Variants in VAPA observed in about 807,000 individuals in gnomAD.
The protein encoded by VAPA is VAMP associated protein A.
In VAPA, 6 loss-of-function variants were observed where a neutral mutation model predicts 25.6. The ratio of observed to expected loss-of-function variants is 0.23; its 90% CI spans 0.13 to 0.46. The LOEUF (loss-of-function observed/expected upper bound fraction) is 0.46, where lower values mean the gene tolerates loss of function less well. Among genes scored for constraint, VAPA ranks in the 20% least tolerant of loss-of-function variants. The pLI, the probability that VAPA is intolerant of heterozygous loss-of-function variation, is 0.99. For synonymous variants in VAPA, 112 were observed against 106.2 expected (o/e 1.05, Z -0.34); for missense variants, 244 against 302.1 (o/e 0.81, Z 1.43).
At chr18:9,935,448 G>T (rs1188971386) in intron 2 of VAPA, among the ~76,000 whole-genome samples, 1 of 152,088 alleles carries the variant, frequency 6.6e-6, no homozygotes, top group Admixed American at 6.6e-5. Flanking sequence ...GTGGCATGTG[G>T]CTATAGTCTT....
At chr18:9,947,530 A>G (rs2069438677) in intron 4 of VAPA, 1 of 152,228 alleles carries the variant, frequency 6.6e-6, no homozygotes, top group African/African-American at 2.4e-5. Flanking sequence ...AATATAGTGG[A>G]AACTGGACAA....
chr18:9,936,466 T>G (rs1336783682), intron 3 of VAPA: 1 of 263,740 alleles, frequency 3.8e-6, no homozygotes, highest in Non-Finnish European at 7.1e-6. Context: ...ATCCCAGCCC[T>G]TTGGGAGGCC....
chr18:9,950,795 G>A, intron 5 of VAPA: 1 of 467,436 alleles, frequency 2.1e-6, no homozygotes, highest in Non-Finnish European at 3.8e-6. Flanking sequence ...TTTGTGATCT[G>A]GCCTGCAGTA....
chr18:9,933,971 T>C (rs888532413), intron 2 of VAPA, among the ~76,000 whole-genome samples: 1 of 152,246 alleles, frequency 6.6e-6, no homozygotes, highest in African/African-American at 2.4e-5. Context: ...TTCTGTGTAT[T>C]AATATTTCTT....
chr18:9,944,914 G>T, intron 4 of VAPA: 1 of 1,613,182 alleles, frequency 6.2e-7, no homozygotes, highest in Non-Finnish European at 8.5e-7. Flanking sequence ...TGTTTCCCAT[G>T]CCATCTCAGG....
intron 2 of VAPA, among the ~76,000 whole-genome samples, chr18:9,932,673 G>A (rs1417212349): frequency 1.3e-5 from 2 of 152,128 alleles, no homozygotes; most frequent in Admixed American, 6.5e-5. Context: ...TTTTACTTAG[G>A]GGAGAACCTC....
chr18:9,951,521 G>A (rs2069490172), intron 5 of VAPA, among the ~76,000 whole-genome samples: 1 of 152,160 alleles, frequency 6.6e-6, no homozygotes, highest in Non-Finnish European at 1.5e-5. Context: ...ACATGCATGT[G>A]GTAGTCATTC....
Position 9,959,890 on chromosome 18 carries a change from ATG to A in VAPA, c.*5681_*5682del, listed in dbSNP as rs1221228753. On this transcript the variant is annotated 3_prime_UTR_variant, in exon 6 of 6. Coordinates refer to ENST00000400000, the MANE Select transcript of VAPA (RefSeq NM_194434.3). ...CTTTTTTGTGCTGTTTTAATTCAAA[ATG>A]TATATCCTTAATTGTATATAATATG... is the stretch of plus-strand genomic sequence containing the variant. 6.6e-6 allele frequency: 1 copy of A among 152,136 alleles called. No individual in the cohort carries two copies. Among genetic ancestry groups the A allele is most frequent in the African/African-American group, 2.4e-5 (1 of 41,436 alleles). The allele number at this position is 152,136 out of a possible 1,614,324, so 9.4% of individuals were successfully genotyped here. A position where few individuals can be genotyped will look rare whatever the true frequency, so the allele number is the denominator to read the frequency against.
chr18:9,925,334 C>T (rs2069191456), intron 1 of VAPA, among the ~76,000 whole-genome samples: 1 of 151,832 alleles, frequency 6.6e-6, no homozygotes, highest in Non-Finnish European at 1.5e-5. Flanking sequence ...GTAATTAAAG[C>T]CCTTAGAGGC....
chr18:9,936,931 T>A lies in VAPA; in HGVS notation c.337-55T>A, dbSNP rs575159323. 51 of 1,531,584 alleles carry A rather than the reference T, an allele frequency of 3.3e-5. No individual in the cohort carries two copies. In the Middle Eastern group the frequency reaches 5.1e-4, roughly 15 times the overall value. 94.9% of individuals were successfully genotyped at this position (1,531,584 alleles called of 1,614,324 possible). On this transcript the variant is annotated intron_variant, in intron 3 of 5. Transcript: ENST00000400000. Reference sequence around the variant, plus strand: ...TTTTAGCTGTCCCGTGAGGTGAAACTTACTTACCATGATCATACCTCCTAT... The same window carrying A: ...TTTTAGCTGTCCCGTGAGGTGAAACATACTTACCATGATCATACCTCCTAT...
At chr18:9,938,998 T>C (rs865818572) in intron 4 of VAPA, among the ~76,000 whole-genome samples, 1 of 152,088 alleles carries the variant, frequency 6.6e-6, no homozygotes, top group Non-Finnish European at 1.5e-5. Context: ...CAAAGTACTT[T>C]AAAAAAAGAG....
At chr18:9,933,023 C>T (rs2069272461) in intron 2 of VAPA, among the ~76,000 whole-genome samples, 1 of 151,454 alleles carries the variant, frequency 6.6e-6, no homozygotes, top group South Asian at 2.1e-4. Flanking sequence ...CAGAGAATTG[C>T]TTAAAACCAG....
rs1290666307 is a variant in VAPA at position 9,954,085 on chromosome 18, T to G, written c.624T>G (p.His208Gln). ...DEGLRLRKVA[H>Q]SDKPGSTSTA... is the part of the protein sequence containing the mutation. ...GTTTAAGGCTCAGAAAGGTAGCACA[T>G]TCGGATAAACCTGGATCAACCTCAA... The change falls in exon 6 of 6, where the codon CAT (histidine) becomes CAG (glutamine). Residue 208 changes from histidine to glutamine, a missense_variant. This residue lies in a region of VAPA where 145 missense variants were observed against 140.6 expected (regional missense o/e 1.03). Transcript: ENST00000400000. The G allele has an allele frequency of 6.2e-7, 1 of 1,614,094 alleles. No homozygotes were observed. The highest frequency in any genetic ancestry group is 1.3e-5 in the African/African-American group (1 of 75,034).
intron 2 of VAPA, among the ~76,000 whole-genome samples, chr18:9,932,649 T>C (rs1016024664): frequency 2.0e-5 from 3 of 152,214 alleles, no homozygotes; most frequent in Admixed American, 2.0e-4. Flanking sequence ...TGAGAACTTT[T>C]ATGGTTCCAT....
chr18:9,927,252 A>G (rs974055069), intron 1 of VAPA, among the ~76,000 whole-genome samples: 10 of 152,144 alleles, frequency 6.6e-5, no homozygotes, highest in African/African-American at 2.2e-4. Flanking sequence ...TTCATCGTAG[A>G]ATGTGAGTGA....
chr18:9,951,301 C>T (rs1250950725), intron 5 of VAPA: 1 of 152,260 alleles, frequency 6.6e-6, no homozygotes, highest in Non-Finnish European at 1.5e-5. Flanking sequence ...ACAGCACATA[C>T]ACACATTGAC....
chr18:9,916,135 T>C (rs1329003821), intron 1 of VAPA, among the ~76,000 whole-genome samples: 2 of 152,218 alleles, frequency 1.3e-5, no homozygotes, highest in African/African-American at 2.4e-5. Flanking sequence ...AGTTTGAAGT[T>C]TTCTCCTTAG....
chr18:9,939,971 T>TA (rs1450326904), intron 4 of VAPA, among the ~76,000 whole-genome samples: 1 of 152,228 alleles, frequency 6.6e-6, no homozygotes, highest in African/African-American at 2.4e-5. Context: ...ATACACTACT[T>TA]ACAATACTTG....
At chr18:9,919,250 A>G (rs1378856579) in intron 1 of VAPA, among the ~76,000 whole-genome samples, 1 of 152,190 alleles carries the variant, frequency 6.6e-6, no homozygotes, top group Non-Finnish European at 1.5e-5. Flanking sequence ...TAATAATTAA[A>G]ATCTGTGTTT....
Sources: gnomAD v4.1 joint callset for allele counts (sites outside exome capture counted in the v4.1 genomes callset) on GRCh38, gnomAD v4.1.1 for gene constraint, gnomAD v4.1.1 regional missense constraint, MANE v1.5 for transcripts, NCBI Gene and HGNC (gene_info 2026-07-23, HGNC 2026-07-21) for gene names.